The following DGKG variants were observed in gnomAD, a reference collection of about 807,000 sequenced individuals.
DGKG encodes the protein diacylglycerol kinase gamma, also known as DAG kinase gamma.
A neutral mutation model predicts 105.3 loss-of-function variants in DGKG; 78 were observed. The observed-to-expected ratio is 0.74, with a 90% CI of 0.62 to 0.89. The LOEUF (loss-of-function observed/expected upper bound fraction) is 0.89. Among genes scored for constraint, DGKG ranks in the 40% least tolerant of loss-of-function variants. The pLI is 0.00. For synonymous variants in DGKG, 346 were observed against 367.1 expected, an observed-to-expected ratio of 0.94 and a Z score of 0.66; for missense variants, 958 against 1,020.1, an observed-to-expected ratio of 0.94 and a Z score of 0.83.
chr3:186,269,719 A>C (rs1337460292), intron 11 of DGKG, among the ~76,000 whole-genome samples: 2 of 152,214 alleles, frequency 1.3e-5, no homozygotes, highest in African/African-American at 4.8e-5. Flanking sequence ...GTTAGAGAAA[A>C]GTCCAAAGAA....
chr3:186,156,416 T>C (rs1716038556), intron 24 of DGKG, among the ~76,000 whole-genome samples: 3 of 152,182 alleles, frequency 2.0e-5, no homozygotes, highest in Non-Finnish European at 4.4e-5. Context: ...CATTAGTTTT[T>C]ATGTATACTA....
chr3:186,180,180 T>G (rs1176677401), intron 22 of DGKG, among the ~76,000 whole-genome samples: 1 of 151,642 alleles, frequency 6.6e-6, no homozygotes, highest in Non-Finnish European at 1.5e-5. Flanking sequence ...GGGCAACAGG[T>G]GAGACATCAA....
chr3:186,269,080 G>A (rs540119502), intron 11 of DGKG, among the ~76,000 whole-genome samples, 163 bp from the exon 12 acceptor site: 34 of 152,356 alleles, frequency 2.2e-4, no homozygotes, highest in African/African-American at 7.2e-4. Context: ...CTAATGGCAC[G>A]ATGTGGTTCC....
At chr3:186,250,428 C>T (rs908912017) in intron 19 of DGKG, among the ~76,000 whole-genome samples, 3 of 152,014 alleles carry the variant, frequency 2.0e-5, no homozygotes, top group African/African-American at 7.3e-5. Context: ...CACCATGGCA[C>T]ACACTTACCC....
In DGKG at chr3:186,267,780, G is replaced by T. The variant is rs753127952; in HGVS notation, c.1117-3C>A. The T allele has an allele frequency of 1.1e-5, 17 of 1,612,854 alleles. No individual in the cohort carries two copies. Among genetic ancestry groups the T allele is most frequent in the Non-Finnish European group, 1.4e-5 (16 of 1,178,960 alleles). On this transcript the variant is annotated splice_region_variant and splice_polypyrimidine_tract_variant and intron_variant, in intron 12 of 24. Transcript: ENST00000265022. ...GATAATTCACATTTGCGGTGAAACTGGGGGGAGAAATGAAAAAGAGAGTGA... is the reference window on the plus strand; with the variant it reads ...GATAATTCACATTTGCGGTGAAACTTGGGGGAGAAATGAAAAAGAGAGTGA...
At chr3:186,327,687 A>T (rs1428561749) in intron 1 of DGKG, among the ~76,000 whole-genome samples, 1 of 151,920 alleles carries the variant, frequency 6.6e-6, no homozygotes, top group Admixed American at 6.6e-5. Context: ...TGCTGAGATT[A>T]TATGTGAGCC....
intron 21 of DGKG, among the ~76,000 whole-genome samples, chr3:186,199,855 G>A (rs976466887): frequency 9.2e-5 from 14 of 152,084 alleles, no homozygotes; most frequent in African/African-American, 3.4e-4. Flanking sequence ...TTGACTCGGT[G>A]ACACTAAGGA....
At chr3:186,261,130 C>T (rs1721753640) in intron 15 of DGKG, among the ~76,000 whole-genome samples, 1 of 152,190 alleles carries the variant, frequency 6.6e-6, no homozygotes, top group Admixed American at 6.5e-5. Context: ...TGCTTTAACT[C>T]TACTAATTAT....
At position 186,321,300 on chromosome 3, in the gene DGKG, G is replaced by T. The variant is rs1725064598; in HGVS notation, c.-248-593C>A. Reference sequence around the variant, plus strand: ...TCTCATACTGTGGGTCATTAAATCAGTTTTGTGGTTGTGAAATTGATGTAA... The same window carrying T: ...TCTCATACTGTGGGTCATTAAATCATTTTTGTGGTTGTGAAATTGATGTAA... On this transcript the variant is annotated intron_variant, in intron 1 of 24. Transcript: ENST00000265022. 2.0e-5 allele frequency among the ~76,000 whole-genome samples: 3 copies of T among 152,192 alleles called. No individual in the cohort carries two copies. The South Asian group carries it at 6.2e-4, about 31-fold the overall frequency.
intron 1 of DGKG, among the ~76,000 whole-genome samples, chr3:186,333,824 A>G (rs570713625): frequency 8.5e-5 from 13 of 152,126 alleles, no homozygotes; most frequent in Non-Finnish European, 7.4e-5. Context: ...AAAAATGCCT[A>G]GGTATTGTGG....
At chr3:186,171,023 G>A (rs1560079330) in intron 22 of DGKG, among the ~76,000 whole-genome samples, 1 of 152,202 alleles carries the variant, frequency 6.6e-6, no homozygotes, top group African/African-American at 2.4e-5. Flanking sequence ...CAATGTTCAA[G>A]TTCCTTAGCT....
rs184028097 is a variant in DGKG, at chr3:186,318,254, A to C, written c.67+2139T>G. Among the ~76,000 whole-genome samples, 45 of 151,614 alleles carry C rather than the reference A, an allele frequency of 3.0e-4. 1 individual carries two copies. Among genetic ancestry groups the C allele is most frequent in the Admixed American group, 2.7e-3 (41 of 15,230 alleles). On this transcript the variant is annotated intron_variant, in intron 2 of 24. Coordinates refer to ENST00000265022, the MANE Select transcript of DGKG (RefSeq NM_001346.3). ...TCCCCACGCCTCCTATGTCCTCCTC[A>C]TTTTCTGTGCCTTCTCACCATCCAG...
intron 21 of DGKG, among the ~76,000 whole-genome samples, chr3:186,198,969 C>A (rs757878423): frequency 2.5e-4 from 38 of 151,646 alleles, no homozygotes; most frequent in African/African-American, 8.2e-4. Context: ...TTTTTTAAGA[C>A]GGAGTTTTGC....
intron 5 of DGKG, 148 bp from the exon 6 acceptor site, chr3:186,289,028 A>C (rs1267358694): frequency 5.7e-6 from 4 of 700,312 alleles, no homozygotes; most frequent in South Asian, 2.1e-5. Context: ...TGACCAAATT[A>C]GTGGCCCTAG....
chr3:186,222,228 T>G (rs965097340), intron 20 of DGKG, among the ~76,000 whole-genome samples: 6 of 152,228 alleles, frequency 3.9e-5, no homozygotes, highest in Admixed American at 1.3e-4. Context: ...AAAAGTTCCT[T>G]GGTTAAGCCA....
intron 6 of DGKG, among the ~76,000 whole-genome samples, chr3:186,285,003 C>G (rs1722997019): frequency 6.6e-6 from 1 of 152,188 alleles, no homozygotes; most frequent in African/African-American, 2.4e-5. Context: ...GTCACTAGAA[C>G]ACAACCTAAA....
chr3:186,242,743 A>G, intron 19 of DGKG, 175 bp from the exon 20 acceptor site: 1 of 536,678 alleles, frequency 1.9e-6, no homozygotes, highest in Non-Finnish European at 3.3e-6. Context: ...CACTGCCTCC[A>G]GGGGGATGAG....
At chr3:186,162,579 G>A (rs966857588) in intron 23 of DGKG, among the ~76,000 whole-genome samples, 5 of 152,106 alleles carry the variant, frequency 3.3e-5, no homozygotes, top group African/African-American at 9.7e-5. Flanking sequence ...CTTGCTCTGC[G>A]CCCAGGCTGG....
chr3:186,178,297 G>C (rs1717189394), intron 22 of DGKG, among the ~76,000 whole-genome samples: 4 of 152,348 alleles, frequency 2.6e-5, no homozygotes, highest in South Asian at 4.1e-4. Context: ...TGCAGAGCAT[G>C]TGGCCAGGAC....
Sources: allele counts gnomAD v4.1 joint callset (sites outside exome capture counted in the v4.1 genomes callset), GRCh38; gene constraint gnomAD v4.1.1; transcripts MANE v1.5; gene names NCBI Gene and HGNC (gene_info 2026-07-23, HGNC 2026-07-21).